The following CNTN5 variants were observed in gnomAD, a reference collection of about 807,000 sequenced individuals.
CNTN5 encodes contactin 5, also known as contactin-5.
Under a neutral mutation model 129.1 loss-of-function variants are expected in CNTN5, and 77 were observed. The ratio of observed to expected loss-of-function variants is 0.60; its 90% CI spans 0.50 to 0.72. CNTN5 has a LOEUF of 0.72. Ranked by LOEUF, CNTN5 falls within the 30% of genes least tolerant of loss-of-function variation. CNTN5 has a pLI of 0.00. For synonymous variants in CNTN5, 509 were observed against 465.6 expected (o/e 1.09, Z -1.20); for missense variants, 1,478 against 1,328.8 (o/e 1.11, Z -1.75).
chr11:100,203,977 T>C (rs1247942494), intron 15 of CNTN5, among the ~76,000 whole-genome samples: 1 of 151,792 alleles, frequency 6.6e-6, no homozygotes, highest in Non-Finnish European at 1.5e-5. Flanking sequence ...TACTCTTCCC[T>C]GACTTGTAAG....
intron 6 of CNTN5, among the ~76,000 whole-genome samples, chr11:99,851,694 C>T (rs372367972): frequency 2.0e-5 from 3 of 152,148 alleles, no homozygotes; most frequent in South Asian, 2.1e-4. Flanking sequence ...TGCTTTTCAG[C>T]GCATTTAGTG....
At chr11:99,735,415 A>G (rs1041153147) in intron 3 of CNTN5, among the ~76,000 whole-genome samples, 1 of 152,240 alleles carries the variant, frequency 6.6e-6, no homozygotes, top group African/African-American at 2.4e-5. Context: ...ACAGCAACAC[A>G]TAGACTATTT....
At chr11:99,697,092 A>G (rs867801548) in intron 3 of CNTN5, among the ~76,000 whole-genome samples, 34 of 151,976 alleles carry the variant, frequency 2.2e-4, no homozygotes, top group African/African-American at 8.0e-4. Context: ...TTAATATCCA[A>G]AGTATAAAAT....
In CNTN5 at chr11:99,028,042, T is replaced by A. The variant is rs150743518; in HGVS notation, c.-210+6772T>A. On this transcript the variant is annotated intron_variant, in intron 1 of 24. Coordinates refer to ENST00000524871, the MANE Select transcript of CNTN5 (RefSeq NM_014361.4). ...AATAGTCATTTTAGTTCTTTGAATT[T>A]TTACTTTCCTTAGTTATTTATTTTC... Among the ~76,000 whole-genome samples the A allele has an allele frequency of 3.3e-3, 508 of 151,922 alleles. 2 individuals carry two copies. The highest frequency in any genetic ancestry group is 0.012 in the African/African-American group (488 of 41,552).
rs35920036 is a variant in CNTN5 at position 100,107,986 on chromosome 11, ATT to A, written c.1580+33707_1580+33708del. Among the ~76,000 whole-genome samples, 288 of 142,470 alleles carry A rather than the reference ATT, an allele frequency of 2.0e-3. 1 individual carries two copies. The highest frequency in any genetic ancestry group is 5.6e-3 in the African/African-American group (218 of 38,612). 93.5% of individuals were successfully genotyped at this position (142,470 alleles called of 152,430 possible). On this transcript the variant is annotated intron_variant, in intron 13 of 24. Transcript: ENST00000524871. ...ACCTAAACAGAGAATAGTGGGGATA[ATT>A]TTTTTTTTTTTTTTGTAAAGAAAAG...
intron 24 of CNTN5, among the ~76,000 whole-genome samples, chr11:100,351,937 G>C (rs910603647): frequency 6.6e-6 from 1 of 151,512 alleles, no homozygotes; most frequent in Admixed American, 6.6e-5. Context: ...AAGTGAAATG[G>C]GAGATAAATA....
chr11:99,600,762 CT>C (rs5793998), intron 3 of CNTN5, among the ~76,000 whole-genome samples: 147,924 of 152,234 alleles, frequency 0.97, 72,010 homozygotes, highest in East Asian at 1. Flanking sequence ...CTTCTCCTTT[CT>C]TTTTTTCACC....
chr11:99,300,015 G>A (rs1007512379), intron 1 of CNTN5, among the ~76,000 whole-genome samples: 3 of 152,110 alleles, frequency 2.0e-5, no homozygotes, highest in Non-Finnish European at 2.9e-5. Context: ...TCTACCAACA[G>A]TGTATAAGCA....
intron 2 of CNTN5, among the ~76,000 whole-genome samples, chr11:99,390,164 T>G (rs1387030687): frequency 1.3e-5 from 2 of 151,570 alleles, no homozygotes; most frequent in Non-Finnish European, 2.9e-5. Context: ...GTTGCCCAGG[T>G]TCGAGAACAG....
chr11:100,197,526 C>T (rs992539043), intron 15 of CNTN5, among the ~76,000 whole-genome samples: 5 of 151,896 alleles, frequency 3.3e-5, no homozygotes, highest in Admixed American at 3.3e-4. Context: ...GGTGTCCTGA[C>T]TTGAGAGTTT....
At chr11:100,123,175 G>A (rs1747056838) in intron 13 of CNTN5, among the ~76,000 whole-genome samples, 1 of 151,624 alleles carries the variant, frequency 6.6e-6, no homozygotes, top group Non-Finnish European at 1.5e-5. Context: ...TATTTTAGGA[G>A]TCTAACAAAA....
intron 3 of CNTN5, among the ~76,000 whole-genome samples, chr11:99,665,357 G>A (rs1271865254): frequency 6.6e-6 from 1 of 151,886 alleles, no homozygotes; most frequent in Non-Finnish European, 1.5e-5. Flanking sequence ...CGTGGAGGAG[G>A]AGAAACGTAA....
intron 13 of CNTN5, among the ~76,000 whole-genome samples, chr11:100,102,049 T>A (rs572657782): frequency 2.6e-5 from 4 of 152,186 alleles, no homozygotes; most frequent in Non-Finnish European, 4.4e-5. Context: ...AATGTGCATG[T>A]CTTTTACATA....
rs949968350 is a variant in CNTN5 at position 99,531,257 on chromosome 11, G to A, written c.-70-24888G>A. 7.7e-4 allele frequency among the ~76,000 whole-genome samples: 118 copies of A among 152,308 alleles called. 1 individual carries two copies. Among genetic ancestry groups the A allele is most frequent in the African/African-American group, 2.8e-3 (117 of 41,574 alleles). ...TGGCAGCATTTGCCCCTGCCATAGA[G>A]ATTTGCGGAACTTTGAACTTGAGAG... On this transcript the variant is annotated intron_variant, in intron 2 of 24. Coordinates refer to ENST00000524871, the MANE Select transcript of CNTN5 (RefSeq NM_014361.4).
chr11:99,368,280 A>T (rs1939585677), intron 2 of CNTN5, among the ~76,000 whole-genome samples: 1 of 152,130 alleles, frequency 6.6e-6, no homozygotes, highest in South Asian at 2.1e-4. Flanking sequence ...TATGCTACTC[A>T]GAACTCTCAG....
intron 1 of CNTN5, among the ~76,000 whole-genome samples, chr11:99,194,633 T>A (rs1255852952): frequency 6.6e-6 from 1 of 152,154 alleles, no homozygotes; most frequent in Non-Finnish European, 1.5e-5. Context: ...AGAGATGCAG[T>A]CTTGCTCTGT....
intron 21 of CNTN5, among the ~76,000 whole-genome samples, chr11:100,314,077 G>A (rs1951528501): frequency 6.6e-6 from 1 of 152,058 alleles, no homozygotes; most frequent in Non-Finnish European, 1.5e-5. Flanking sequence ...TCTAAAGAAT[G>A]GTTGGTGGAA....
At chr11:99,159,057 T>G (rs181077149) in intron 1 of CNTN5, among the ~76,000 whole-genome samples, 1 of 152,310 alleles carries the variant, frequency 6.6e-6, no homozygotes, top group Admixed American at 6.5e-5. Flanking sequence ...ACTGAAAAGT[T>G]ATGTGACTTA....
chr11:99,547,334 T>C (rs1948333143), intron 2 of CNTN5, among the ~76,000 whole-genome samples: 1 of 152,136 alleles, frequency 6.6e-6, no homozygotes, highest in East Asian at 1.9e-4. Context: ...GAGCTATAAA[T>C]GTTTGAAGTG....
Sources: allele counts gnomAD v4.1 joint callset (sites outside exome capture counted in the v4.1 genomes callset), GRCh38; gene constraint gnomAD v4.1.1; transcripts MANE v1.5; gene names NCBI Gene and HGNC (gene_info 2026-07-23, HGNC 2026-07-21).